The following MTTP variants were observed in gnomAD, a reference collection of about 807,000 sequenced individuals.
MTTP encodes microsomal triglyceride transfer protein large subunit.
In MTTP, 49 loss-of-function variants were observed where a neutral mutation model predicts 90.6. The ratio of observed to expected loss-of-function variants is 0.54; its 90% CI spans 0.43 to 0.69. The LOEUF (loss-of-function observed/expected upper bound fraction) is 0.69, where lower values mean the gene tolerates loss of function less well. MTTP is among the 30% of genes least tolerant of loss of function. MTTP has a pLI of 0.00. For missense variants in MTTP, 945 were observed against 1,067.5 expected, an observed-to-expected ratio of 0.89 and a Z score of 1.60; for synonymous variants, 347 against 384.2, an observed-to-expected ratio of 0.90 and a Z score of 1.13.
At chr4:99,564,200 G>A (rs1335098680) in exon 1 of MTTP, 4 of 1,535,540 alleles carry the variant, frequency 2.6e-6, no homozygotes, top group Admixed American at 3.9e-5. Context: ...CAAGAATTAA[G>A]TGTGTACCTG....
At position 99,613,006 on chromosome 4, in the gene MTTP, A is replaced by T. The variant is rs1725999965; in HGVS notation, c.2083A>T (p.Ile695Phe). The part of the protein sequence containing the change: ...NLDSYAGMSA[I>F]LFDVQLRPVT... The stretch of plus-strand genomic sequence containing the variant: ...TGACTCCTATGCTGGTATGTCAGCC[A>T]TCCTCTTTGATGTTCAGCTCAGACC... The change falls in exon 15 of 18, where the codon ATC (isoleucine) becomes TTC (phenylalanine). Residue 695 changes from isoleucine to phenylalanine, a missense_variant. By Grantham distance (21) the Ile-to-Phe change is conservative (BLOSUM62 0). Coordinates refer to ENST00000265517, the MANE Select transcript of MTTP (RefSeq NM_001386140.1). 6.2e-7 allele frequency: 1 copy of T among 1,614,086 alleles called. No individual in the cohort carries two copies. The highest frequency in any genetic ancestry group is 8.5e-7 in the Non-Finnish European group (1 of 1,179,946).
chr4:99,565,176 A>C (rs981854574), intron 1 of MTTP, among the ~76,000 whole-genome samples: 4 of 152,222 alleles, frequency 2.6e-5, no homozygotes. Flanking sequence ...AGGCTGGCAA[A>C]GTGATGTGCC....
At chr4:99,570,907 C>A, upstream of MTTP, 1 of 384,180 alleles carries the variant, frequency 2.6e-6, no homozygotes, top group Non-Finnish European at 5.1e-6. Context: ...GAAAGGGATA[C>A]ACCTGCCAAT....
Position 99,613,157 on chromosome 4 carries a change from G to C in MTTP, c.2217+17G>C, listed in dbSNP as rs747835905. The C allele has an allele frequency of 6.2e-7, 1 of 1,600,328 alleles. No homozygotes were observed. The highest frequency in any genetic ancestry group is 8.5e-7 in the Non-Finnish European group (1 of 1,169,682). ...CATTCTCAGGTAATTCATTCAGTCT[G>C]TGAGTATTTATTGAGTCCCTAAAAT... On this transcript the variant is annotated intron_variant, in intron 15 of 17. Coordinates refer to ENST00000265517, the MANE Select transcript of MTTP (RefSeq NM_001386140.1).
At chr4:99,598,168 A>C (rs1352208935) in intron 8 of MTTP, among the ~76,000 whole-genome samples, 1 of 152,244 alleles carries the variant, frequency 6.6e-6, no homozygotes, top group Non-Finnish European at 1.5e-5. Flanking sequence ...TGACTAATCA[A>C]AGTTGGTTAT....
At chr4:99,594,390 C>T (rs1044353533) in intron 6 of MTTP, among the ~76,000 whole-genome samples, 13 of 152,122 alleles carry the variant, frequency 8.5e-5, no homozygotes, top group Admixed American at 4.6e-4. Flanking sequence ...ATAAGTAACA[C>T]GTGGTTGTAT....
intron 1 of MTTP, among the ~76,000 whole-genome samples, chr4:99,567,022 C>G (rs1315694472): frequency 2.6e-5 from 4 of 152,086 alleles, no homozygotes; most frequent in African/African-American, 9.7e-5. Context: ...AAAAAGAAAC[C>G]CATTTTTAAA....
At position 99,597,076 on chromosome 4, in the gene MTTP, CTCT is replaced by C; in HGVS notation, c.920_922del (p.Leu307_Trp308delinsArg). 1.2e-6 allele frequency: 2 copies of C among 1,613,874 alleles called. No individual in the cohort carries two copies. The highest frequency in any genetic ancestry group is 1.7e-6 in the Non-Finnish European group (2 of 1,179,880). ...AGTGTATGTTTTGCAGCTCTCGGAG[CTCT>C]GGCGGTCCACCAGGAAATACCTGCA... is the stretch of plus-strand genomic sequence containing the variant. On this transcript the variant is annotated inframe_deletion, in exon 8 of 18. Coordinates refer to ENST00000265517, the MANE Select transcript of MTTP (RefSeq NM_001386140.1).
At chr4:99,568,140 CAT>C (rs1399081631) in intron 1 of MTTP, among the ~76,000 whole-genome samples, 3 of 151,916 alleles carry the variant, frequency 2.0e-5, no homozygotes, top group Admixed American at 6.6e-5. Flanking sequence ...AAAGCACACA[CAT>C]ATATTCACCA....
intron 17 of MTTP, among the ~76,000 whole-genome samples, chr4:99,621,668 T>C (rs1726237321): frequency 6.6e-6 from 1 of 152,226 alleles, no homozygotes; most frequent in African/African-American, 2.4e-5. Flanking sequence ...AATTTTTAAG[T>C]ATTCCATATA....
upstream of MTTP, among the ~76,000 whole-genome samples, chr4:99,572,115 C>T (rs2110205975): frequency 1.3e-5 from 2 of 151,966 alleles, 1 homozygote. Flanking sequence ...CACAACTGTA[C>T]TTTGGAATTA....
In MTTP at chr4:99,594,786, A is replaced by C. The variant is rs1419664600; in HGVS notation, c.812A>C (p.Lys271Thr). 35 of 1,613,976 alleles carry C rather than the reference A, an allele frequency of 2.2e-5. No homozygotes were observed. Among genetic ancestry groups the C allele is most frequent in the Non-Finnish European group, 2.9e-5 (34 of 1,179,958 alleles). ...TEAGPRLMSG[K>T]QAAAIIKAVD... Reference sequence around the variant, plus strand: ...GCAGGCCCAAGATTGATGTCTGGAAAGCAGGCTGCAGCCATAATCAAAGCA... The same window carrying C: ...GCAGGCCCAAGATTGATGTCTGGAACGCAGGCTGCAGCCATAATCAAAGCA... The change falls in exon 7 of 18, where the codon AAG (lysine) becomes ACG (threonine). Residue 271 changes from lysine to threonine, a missense_variant. Lys to Thr is a moderately conservative substitution (Grantham distance 78). Coordinates refer to ENST00000265517, the MANE Select transcript of MTTP (RefSeq NM_001386140.1).
In MTTP at chr4:99,620,059, C is replaced by G. The variant is rs111463063; in HGVS notation, c.2342+961C>G. On this transcript the variant is annotated intron_variant, in intron 16 of 17. Transcript: ENST00000265517. ...AATTTGGATTTTTTAAAAAAGTACA[C>G]AGTATCCTTAAGAATCTACCCTTAT... is the stretch of plus-strand genomic sequence containing the variant. 2.6e-3 allele frequency among the ~76,000 whole-genome samples: 403 copies of G among 152,320 alleles called. 3 individuals carry two copies. The highest frequency in any genetic ancestry group is 9.5e-3 in the African/African-American group (396 of 41,578).
At chr4:99,616,393 C>T (rs1726101005) in intron 15 of MTTP, among the ~76,000 whole-genome samples, 1 of 152,038 alleles carries the variant, frequency 6.6e-6, no homozygotes, top group Non-Finnish European at 1.5e-5. Flanking sequence ...GAGCAAGACC[C>T]CATCTCAAAG....
chr4:99,565,180 A>T (rs927690461), intron 1 of MTTP, among the ~76,000 whole-genome samples: 1 of 152,188 alleles, frequency 6.6e-6, no homozygotes, highest in Admixed American at 6.5e-5. Flanking sequence ...TGGCAAAGTG[A>T]TGTGCCAAAT....
chr4:99,612,828 T>C, intron 14 of MTTP, 85 bp from the exon 15 acceptor site: 1 of 1,321,034 alleles, frequency 7.6e-7, no homozygotes, highest in Non-Finnish European at 1.1e-6. Flanking sequence ...CCTTGAGAAG[T>C]TCTAGCTGCA....
intron 16 of MTTP, among the ~76,000 whole-genome samples, chr4:99,619,986 T>C (rs1726190115): frequency 6.6e-6 from 1 of 152,238 alleles, no homozygotes; most frequent in Non-Finnish European, 1.5e-5. Flanking sequence ...GAAATGGAAT[T>C]GAATTCTTTG....
At chr4:99,570,064 G>A (rs2110204846), upstream of MTTP, among the ~76,000 whole-genome samples, 1 of 151,536 alleles carries the variant, frequency 6.6e-6, no homozygotes, top group African/African-American at 2.4e-5. Context: ...ACAAGACACT[G>A]TTATTAAGAG....
chr4:99,589,463 G>T (rs1357770943), intron 3 of MTTP, among the ~76,000 whole-genome samples, 180 bp from the exon 4 acceptor site: 1 of 152,012 alleles, frequency 6.6e-6, no homozygotes, highest in African/African-American at 2.4e-5. Flanking sequence ...TTCATATTCT[G>T]ATGGTCTCAG....
Sources: allele counts gnomAD v4.1 joint callset (sites outside exome capture counted in the v4.1 genomes callset), GRCh38; gene constraint gnomAD v4.1.1; transcripts MANE v1.5; gene names NCBI Gene and HGNC (gene_info 2026-07-23, HGNC 2026-07-21).